The following GMDS variants were observed in gnomAD, a reference collection of about 807,000 sequenced individuals.
The protein encoded by GMDS is GDP-mannose 4,6 dehydratase.
Under a neutral mutation model 49.9 loss-of-function variants are expected in GMDS, and 20 were observed. The ratio of observed to expected loss-of-function variants is 0.40; its 90% CI spans 0.28 to 0.58. The LOEUF is 0.58. Ranked by LOEUF, GMDS falls within the 20% of genes least tolerant of loss-of-function variation. GMDS has a pLI of 0.42. For synonymous variants in GMDS, 177 were observed against 178.6 expected, an observed-to-expected ratio of 0.99 and a Z score of 0.07; for missense variants, 362 against 481.4, an observed-to-expected ratio of 0.75 and a Z score of 2.32.
At chr6:2,033,196 C>T (rs542707833) in intron 4 of GMDS, among the ~76,000 whole-genome samples, 1 of 152,122 alleles carries the variant, frequency 6.6e-6, no homozygotes, top group Non-Finnish European at 1.5e-5. Context: ...TGCATAATCA[C>T]TGAATCAATA....
chr6:1,661,737 A>G (rs1482916570), intron 9 of GMDS, among the ~76,000 whole-genome samples: 2 of 152,220 alleles, frequency 1.3e-5, no homozygotes, highest in African/African-American at 4.8e-5. Flanking sequence ...AGAGCGAGTG[A>G]GCAAGAGCAA....
Position 1,778,620 on chromosome 6 carries a change from G to C in GMDS, c.772-36034C>G, listed in dbSNP as rs557194387. On this transcript the variant is annotated intron_variant, in intron 7 of 10. Transcript: ENST00000380815. This position sits in a 1 kb window ranked among gnomAD's most constrained non-coding sequence, Gnocchi z 4.6. ...CAGGATTAGAGTAACATTAGTTAAC[G>C]TGGCCCTCCATTAATTTTCACTATA... Among the ~76,000 whole-genome samples, 1 of 152,162 alleles carries C rather than the reference G, an allele frequency of 6.6e-6. No individual in the cohort carries two copies. Among genetic ancestry groups the C allele is most frequent in the East Asian group, 1.9e-4 (1 of 5,184 alleles).
chr6:2,032,879 A>G (rs899650041), intron 4 of GMDS, among the ~76,000 whole-genome samples: 3 of 152,216 alleles, frequency 2.0e-5, no homozygotes, highest in Non-Finnish European at 4.4e-5. Flanking sequence ...CTGATTTGCC[A>G]TGTAACTTAC....
chr6:2,063,182 A>G (rs1771294280), intron 4 of GMDS, among the ~76,000 whole-genome samples: 1 of 152,242 alleles, frequency 6.6e-6, no homozygotes. Flanking sequence ...ATTGAAAAGT[A>G]AGAAAAAAAG....
chr6:1,960,410 T>G (rs1561925124), intron 5 of GMDS, among the ~76,000 whole-genome samples: 1 of 151,344 alleles, frequency 6.6e-6, no homozygotes, highest in Non-Finnish European at 1.5e-5. Context: ...GGAAATTTCA[T>G]GGAAAATAAA....
intron 1 of GMDS, among the ~76,000 whole-genome samples, chr6:2,185,255 T>C (rs1778727438): frequency 1.3e-5 from 2 of 152,202 alleles, no homozygotes; most frequent in Non-Finnish European, 2.9e-5. Flanking sequence ...TCAAAGTTGA[T>C]ATCAACAACA....
At chr6:2,122,074 A>AAG (rs1775167664) in intron 2 of GMDS, among the ~76,000 whole-genome samples, 1 of 152,178 alleles carries the variant, frequency 6.6e-6, no homozygotes, top group Non-Finnish European at 1.5e-5. Flanking sequence ...TCCTGACCTT[A>AAG]GTAGTATACC....
chr6:1,688,766 G>C (rs4959145), intron 9 of GMDS, among the ~76,000 whole-genome samples: 148,208 of 152,336 alleles, frequency 0.97, 72,222 homozygotes, highest in East Asian at 1. Context: ...GCTAACACTT[G>C]TGAGGTATAT....
intron 7 of GMDS, among the ~76,000 whole-genome samples, chr6:1,762,507 G>C (rs770532578): frequency 6.6e-6 from 1 of 152,216 alleles, no homozygotes; most frequent in East Asian, 1.9e-4. Context: ...AGACATATAA[G>C]TTAATCAGCT....
At chr6:2,125,036 T>C (rs1775343088) in intron 1 of GMDS, among the ~76,000 whole-genome samples, 1 of 152,132 alleles carries the variant, frequency 6.6e-6, no homozygotes, top group Non-Finnish European at 1.5e-5. Flanking sequence ...TGGGTTTAGG[T>C]TTTGCCACTT....
chr6:1,966,879 T>G (rs186235010), intron 4 of GMDS, among the ~76,000 whole-genome samples: 1 of 152,148 alleles, frequency 6.6e-6, no homozygotes, highest in African/African-American at 2.4e-5. Context: ...TTCCCACCAC[T>G]TAGCCCACAC....
chr6:2,012,599 G>C (rs1767625957), intron 4 of GMDS, among the ~76,000 whole-genome samples: 1 of 152,096 alleles, frequency 6.6e-6, no homozygotes, highest in South Asian at 2.1e-4. Flanking sequence ...TTAGGTCACA[G>C]GGCAAACAAC....
rs557439105 is a variant in GMDS at position 1,637,492 on chromosome 6, T to G, written c.988-12952A>C. Among the ~76,000 whole-genome samples, 35 of 152,362 alleles carry G rather than the reference T, an allele frequency of 2.3e-4. No individual in the cohort carries two copies. The East Asian group carries it at 5.4e-3, about 24-fold the overall frequency. On this transcript the variant is annotated intron_variant, in intron 9 of 10. Coordinates refer to ENST00000380815, the MANE Select transcript of GMDS (RefSeq NM_001500.4). ...GTCACCTGTGCCAAGTCAGGCTCTC[T>G]GGGTGCTTATGCTCTCTCGTGGCTA...
chr6:1,734,894 G>A (rs1766948201), intron 8 of GMDS, among the ~76,000 whole-genome samples: 1 of 152,194 alleles, frequency 6.6e-6, no homozygotes, highest in African/African-American at 2.4e-5. Flanking sequence ...CAAGACCAGA[G>A]ATGGCTCTCC....
rs115654399 is a variant in GMDS, at chr6:1,979,660, G to A, written c.346-18694C>T. 4.5e-3 allele frequency among the ~76,000 whole-genome samples: 686 copies of A among 152,308 alleles called. 4 individuals are homozygous for A. Among genetic ancestry groups the A allele is most frequent in the African/African-American group, 0.016 (659 of 41,560 alleles). ...TAGGAGAACTTCCTCAGCCTAGCAA[G>A]ATAGGCCAACATTCAAATTCAGGAA... On this transcript the variant is annotated intron_variant, in intron 4 of 10. Transcript: ENST00000380815.
rs571756659 is a variant in GMDS at position 1,868,953 on chromosome 6, A to G, written c.771+61150T>C. On this transcript the variant is annotated intron_variant, in intron 7 of 10. Coordinates refer to ENST00000380815, the MANE Select transcript of GMDS (RefSeq NM_001500.4). Reference sequence around the variant, plus strand: ...AAAAATGATTTAATATGTTCTTACAATGTGAACACGTACAAGTGAAATAAT... The same window carrying G: ...AAAAATGATTTAATATGTTCTTACAGTGTGAACACGTACAAGTGAAATAAT... 1.1e-4 allele frequency among the ~76,000 whole-genome samples: 17 copies of G among 152,350 alleles called. No homozygotes were observed. The South Asian group carries it at 3.5e-3, about 32-fold the overall frequency.
chr6:2,099,154 C>T (rs1009681754), intron 4 of GMDS, among the ~76,000 whole-genome samples: 2 of 152,070 alleles, frequency 1.3e-5, no homozygotes, highest in African/African-American at 4.8e-5. Context: ...CATACATTTA[C>T]TACAGTGGCC....
chr6:2,075,086 G>C (rs9501799), intron 4 of GMDS, among the ~76,000 whole-genome samples: 1 of 151,996 alleles, frequency 6.6e-6, no homozygotes, highest in African/African-American at 2.4e-5. Context: ...GATGCTTCCA[G>C]CTTTATTCCT....
chr6:1,692,502 C>A (rs1275769448), intron 9 of GMDS, among the ~76,000 whole-genome samples: 1 of 152,166 alleles, frequency 6.6e-6, no homozygotes, highest in Non-Finnish European at 1.5e-5. Flanking sequence ...TCTTTTCTGT[C>A]CTCCCCTCCT....
Sources: allele counts gnomAD v4.1 joint callset (sites outside exome capture counted in the v4.1 genomes callset), GRCh38; gene constraint gnomAD v4.1.1; non-coding constraint Gnocchi (gnomAD v3.1); transcripts MANE v1.5; gene names NCBI Gene and HGNC (gene_info 2026-07-23, HGNC 2026-07-21).